ZNF197: variants seen among roughly 807,000 people sequenced by gnomAD.
ZNF197 encodes zinc finger protein 197, also known as VHL-associated KRAB-A domain-containing protein.
Under a neutral mutation model 27.4 loss-of-function variants are expected in ZNF197, and 14 were observed. The ratio of observed to expected loss-of-function variants is 0.51; its 90% CI spans 0.34 to 0.80. The LOEUF is 0.80. Ranked by LOEUF, ZNF197 falls within the 30% of genes least tolerant of loss-of-function variation. The pLI, the probability that ZNF197 is intolerant of heterozygous loss-of-function variation, is 0.02. For missense variants in ZNF197, 1,090 were observed against 1,222.6 expected (o/e 0.89, Z 1.62); for synonymous variants, 415 against 420.0 (o/e 0.99, Z 0.15).
intron 1 of ZNF197, among the ~76,000 whole-genome samples, chr3:44,626,193 T>C (rs1165880625): frequency 1.3e-5 from 2 of 152,200 alleles, no homozygotes; most frequent in Admixed American, 6.5e-5. Context: ...GACTACCAAG[T>C]TTTTCTCAAT....
chr3:44,627,192 A>G (rs1701718319), intron 1 of ZNF197, among the ~76,000 whole-genome samples: 1 of 152,252 alleles, frequency 6.6e-6, no homozygotes, highest in Admixed American at 6.5e-5. Flanking sequence ...ACATTTTATA[A>G]TTTTAAATTT....
Position 44,645,904 on chromosome 3 carries a change from T to C in ZNF197, c.*1684T>C. 1.0e-6 allele frequency: 1 copy of C among 985,470 alleles called. No homozygotes were observed. Among genetic ancestry groups the C allele is most frequent in the Non-Finnish European group, 1.2e-6 (1 of 829,946 alleles). The allele number at this position is 985,470 out of a possible 1,614,324, so 61.0% of individuals were successfully genotyped here. On this transcript the variant is annotated 3_prime_UTR_variant, in exon 6 of 6. Coordinates refer to ENST00000344387, the MANE Select transcript of ZNF197 (RefSeq NM_006991.5). ...TGTGGGTTTAACTCAGTCTATATTC[T>C]TAAGTTGGTAATTTTTATGTTGTAA... is the stretch of plus-strand genomic sequence containing the variant.
chr3:44,639,419 T>C (rs1273959259), intron 5 of ZNF197, among the ~76,000 whole-genome samples: 3 of 151,906 alleles, frequency 2.0e-5, no homozygotes, highest in African/African-American at 7.2e-5. Context: ...AATTTGCCAG[T>C]GAAGCAGCCT....
intron 2 of ZNF197, among the ~76,000 whole-genome samples, chr3:44,629,750 G>A (rs1385480980): frequency 2.6e-5 from 4 of 152,168 alleles, no homozygotes; most frequent in East Asian, 1.9e-4. Context: ...TGAGGTCTTC[G>A]GGTCCAACTG....
rs555744380 is a variant in ZNF197 at position 44,642,551 on chromosome 3, G to A, written c.1421G>A (p.Arg474Lys). ...YRHSGLIIHL[R>K]RHSGERPYKC... ...CACTCAGGCCTAATTATACATCTAA[G>A]GCGCCATTCAGGGGAGAGACCTTAT... Residue 474 changes from arginine (R) to lysine (K), a missense_variant, in exon 6 of 6, where the codon AGG (arginine) becomes AAG (lysine). Arg to Lys is a conservative substitution (Grantham distance 26, BLOSUM62 2). Transcript: ENST00000344387. 8.7e-6 allele frequency: 14 copies of A among 1,614,148 alleles called. No homozygotes were observed. In the African/African-American group the frequency reaches 1.7e-4, roughly 20 times the overall value.
At position 44,643,986 on chromosome 3, in the gene ZNF197, C is replaced by T. The variant is rs1162071618; in HGVS notation, c.2856C>T (p.His952=). 4 of 1,613,988 alleles carry T rather than the reference C, an allele frequency of 2.5e-6. No homozygotes were observed. The African/African-American group carries it at 4.0e-5, about 16-fold the overall frequency. The change falls in exon 6 of 6, where the codon CAC becomes CAT. Residue 952 remains histidine (H), a synonymous_variant. Transcript: ENST00000344387. ...KRNLVGHQRI[H]TGEKPYGCND... ...ATTTAGTTGGCCACCAGAGAATTCA[C>T]ACAGGGGAGAAACCCTATGGGTGTA... is the stretch of plus-strand genomic sequence containing the variant.
At chr3:44,631,575 AT>A (rs939592760) in intron 3 of ZNF197, among the ~76,000 whole-genome samples, 110 of 141,576 alleles carry the variant, frequency 7.8e-4, no homozygotes, top group African/African-American at 1.9e-3. Context: ...TAGTTTTTTA[AT>A]TTTTTTTTTA....
chr3:44,632,558 G>A lies in ZNF197; in HGVS notation c.728G>A (p.Trp243Ter), dbSNP rs372139678. The A allele has an allele frequency of 3.2e-5, 51 of 1,599,588 alleles. No homozygotes were observed. Among genetic ancestry groups the A allele is most frequent in the Non-Finnish European group, 4.1e-5 (48 of 1,172,506 alleles). The change falls in exon 5 of 6, where the codon TGG becomes TAG. Residue 243 changes from tryptophan (W) to a stop codon, truncating the protein, a stop_gained. Transcript: ENST00000344387. LOFTEE classifies it low-confidence loss of function (END_TRUNC). ...GGCCCAATCCAGAGGGCCTTGTACTGGGATGTGATGCTGGAGAATTATGGA... is the reference window on the plus strand; with the variant it reads ...GGCCCAATCCAGAGGGCCTTGTACTAGGATGTGATGCTGGAGAATTATGGA... Reference protein sequence around the residue: ...CLGPIQRALYWDVMLENYGNV... With the variant: ...CLGPIQRALY
intron 1 of ZNF197, among the ~76,000 whole-genome samples, chr3:44,625,519 G>A (rs986917369): frequency 6.6e-6 from 1 of 152,144 alleles, no homozygotes; most frequent in African/African-American, 2.4e-5. Flanking sequence ...CCCTATTACC[G>A]GTGGCGCCCA....
rs559786579 is a variant in ZNF197 at position 44,634,658 on chromosome 3, C to T, written c.769+2059C>T. ...AGAGACGGGGTTTCGCCATGTTGGC[C>T]AGGCTGGTCTTAAACTCCTGACCTC... On this transcript the variant is annotated intron_variant, in intron 5 of 5. Coordinates refer to ENST00000344387, the MANE Select transcript of ZNF197 (RefSeq NM_006991.5). 3.3e-5 allele frequency among the ~76,000 whole-genome samples: 5 copies of T among 152,166 alleles called. No homozygotes were observed. In the South Asian group the frequency reaches 1.0e-3, roughly 32 times the overall value.
intron 1 of ZNF197, among the ~76,000 whole-genome samples, chr3:44,626,488 C>A (rs1183887186): frequency 6.6e-6 from 1 of 152,186 alleles, no homozygotes; most frequent in Non-Finnish European, 1.5e-5. Flanking sequence ...GAAAAATTTG[C>A]AGCTGCCATT....
rs765449807 is a variant in ZNF197 at position 44,643,026 on chromosome 3, T to G, written c.1896T>G (p.Thr632=). The G allele has an allele frequency of 1.2e-6, 2 of 1,614,100 alleles. No individual in the cohort carries two copies. Among genetic ancestry groups the G allele is most frequent in the South Asian group, 2.2e-5 (2 of 91,076 alleles). The part of the protein sequence containing the change: ...YKCTECGKAF[T]QSAYLFDHQR... ...GCACTGAATGTGGGAAAGCCTTTAC[T>G]CAAAGTGCTTACCTTTTTGACCACC... Residue 632 remains threonine, a synonymous_variant, in exon 6 of 6, where the codon ACT becomes ACG. Coordinates refer to ENST00000344387, the MANE Select transcript of ZNF197 (RefSeq NM_006991.5).
chr3:44,644,329 A>G lies in ZNF197; in HGVS notation c.*109A>G, dbSNP rs1168632457. The G allele has an allele frequency of 6.9e-7, 1 of 1,446,884 alleles. No individual in the cohort carries two copies. The highest frequency in any genetic ancestry group is 9.0e-7 in the Non-Finnish European group (1 of 1,106,186). The allele number at this position is 1,446,884 out of a possible 1,614,324, so 89.6% of individuals were successfully genotyped here. A position where few individuals can be genotyped will look rare whatever the true frequency, so the allele number is the denominator to read the frequency against. On this transcript the variant is annotated 3_prime_UTR_variant, in exon 6 of 6. Coordinates refer to ENST00000344387, the MANE Select transcript of ZNF197 (RefSeq NM_006991.5). ...TTATTATTTACTCTTTACTAGACAAATGAGTAGCATATAGAAGAAAGTTAA... is the reference window on the plus strand; with the variant it reads ...TTATTATTTACTCTTTACTAGACAAGTGAGTAGCATATAGAAGAAAGTTAA...
Position 44,643,276 on chromosome 3 carries a change from A to G in ZNF197, c.2146A>G (p.Ile716Val). Residue 716 changes from isoleucine (I) to valine (V), a missense_variant, in exon 6 of 6, where the codon ATT becomes GTT. Transcript: ENST00000344387. ...ATGTCGAGAGTGTGGGAAAACCTTT[A>G]TTATGAGCAAAAGTTTTATGGTCCA... is the stretch of plus-strand genomic sequence containing the variant. The part of the protein sequence containing the change: ...YECRECGKTF[I>V]MSKSFMVHQK... 6.2e-7 allele frequency: 1 copy of G among 1,614,132 alleles called. No individual in the cohort carries two copies. Among genetic ancestry groups the G allele is most frequent in the Non-Finnish European group, 8.5e-7 (1 of 1,180,012 alleles).
chr3:44,641,761 C>T (rs978295081), intron 5 of ZNF197, 139 bp from the exon 6 acceptor site: 2 of 977,710 alleles, frequency 2.0e-6, no homozygotes, highest in African/African-American at 1.7e-5. Context: ...TTCTTTGTAC[C>T]TTCCTTTAAT....
rs766498618 is a variant in ZNF197, at chr3:44,642,672, G to T, written c.1542G>T (p.Lys514Asn). The T allele has an allele frequency of 1.2e-5, 19 of 1,613,888 alleles. No homozygotes were observed. The highest frequency in any genetic ancestry group is 1.6e-4 in the Middle Eastern group (1 of 6,084). ...HKGEEPYKCN[K>N]CQKAFILKKS... ...GGGAAGAACCTTATAAATGTAATAA[G>T]TGTCAGAAAGCTTTCATTCTGAAGA... The change falls in exon 6 of 6, where the codon AAG becomes AAT. Residue 514 changes from lysine (K) to asparagine (N), a missense_variant. Transcript: ENST00000344387.
In ZNF197 at chr3:44,648,258, A is replaced by C. The variant is rs1703072975; in HGVS notation, c.*4038A>C. 1 of 152,078 alleles carries C rather than the reference A, an allele frequency of 6.6e-6. No homozygotes were observed. The highest frequency in any genetic ancestry group is 1.5e-5 in the Non-Finnish European group (1 of 67,980). The allele number at this position is 152,078 out of a possible 1,614,324, so 9.4% of individuals were successfully genotyped here. A position where few individuals can be genotyped will look rare whatever the true frequency, so the allele number is the denominator to read the frequency against. ...GGTGGTAGTTTGAAGAATATTCTTAATCTTAAGGGATGCATGTTGAAGTAT... is the reference window on the plus strand; with the variant it reads ...GGTGGTAGTTTGAAGAATATTCTTACTCTTAAGGGATGCATGTTGAAGTAT... On this transcript the variant is annotated 3_prime_UTR_variant, in exon 6 of 6. Transcript: ENST00000344387.
At chr3:44,634,090 A>G (rs1702148236) in intron 5 of ZNF197, among the ~76,000 whole-genome samples, 1 of 152,220 alleles carries the variant, frequency 6.6e-6, no homozygotes, top group South Asian at 2.1e-4. Flanking sequence ...GAAAGAACAC[A>G]CAGGAGAGCC....
Position 44,642,069 on chromosome 3 carries a change from A to G in ZNF197, c.939A>G (p.Glu313=). ...TTTTGGCAAGTCAGTGGGGAAATGAAACAGATGAAAGGGCAGATACAGTGA... is the reference window on the plus strand; with the variant it reads ...TTTTGGCAAGTCAGTGGGGAAATGAGACAGATGAAAGGGCAGATACAGTGA... The part of the protein sequence containing the change: ...WQVLASQWGN[E]TDERADTVKK... The change falls in exon 6 of 6, where the codon GAA becomes GAG. Residue 313 remains glutamate (E), a synonymous_variant. Transcript: ENST00000344387. 2.5e-6 allele frequency: 4 copies of G among 1,614,164 alleles called. No homozygotes were observed. Among genetic ancestry groups the G allele is most frequent in the Non-Finnish European group, 3.4e-6 (4 of 1,180,026 alleles).
Sources: allele counts gnomAD v4.1 joint callset (sites outside exome capture counted in the v4.1 genomes callset), GRCh38; gene constraint gnomAD v4.1.1; transcripts MANE v1.5; gene names NCBI Gene and HGNC (gene_info 2026-07-23, HGNC 2026-07-21).